EDA: variants seen among roughly 807,000 people sequenced by gnomAD.
EDA encodes ectodysplasin A, also known as ectodysplasin-A.
EDA carries 2 observed loss-of-function variants against 23.6 expected under a neutral mutation model. The observed-to-expected ratio is 0.08, with a 90% confidence interval of 0.03 to 0.27. The LOEUF is 0.27. EDA is among the 10% of genes least tolerant of loss of function. The pLI, the probability that EDA is intolerant of heterozygous loss-of-function variation, is 1.00. For synonymous variants in EDA, 131 were observed against 132.0 expected (o/e 0.99, Z 0.05); for missense variants, 229 against 324.2 (o/e 0.71, Z 2.26).
In EDA at chrX:70,035,415, C is replaced by T. The variant is rs1208961462; in HGVS notation, c.982C>T (p.Pro328Ser). The T allele has an allele frequency of 8.3e-7, 1 of 1,207,387 alleles. No homozygotes were observed. The highest frequency in any genetic ancestry group is 1.8e-5 in the African/African-American group (1 of 56,569). ...ASYEVVVDEK[P>S]FLQCTRSIET... ...CTATGAGGTGGTGGTGGATGAGAAG[C>T]CCTTCCTGCAGTGCACACGCAGCAT... Residue 328 changes from proline to serine, a missense_variant, in exon 8 of 8, where the codon CCC becomes TCC. This residue lies in a region of EDA where 175 missense variants were observed against 281.8 expected (regional missense o/e 0.62). Coordinates refer to ENST00000374552, the MANE Select transcript of EDA (RefSeq NM_001399.5).
chrX:69,705,146 C>A (rs768104378), intron 1 of EDA, among the ~76,000 whole-genome samples: 1 of 106,010 alleles, frequency 9.4e-6, no homozygotes, highest in South Asian at 4.4e-4. Flanking sequence ...TGGCTTGAAC[C>A]TGGGAGGCGG....
chrX:69,804,115 T>A (rs2091147725), intron 1 of EDA, among the ~76,000 whole-genome samples: 1 of 111,045 alleles, frequency 9.0e-6, no homozygotes, highest in Admixed American at 9.6e-5. Context: ...AGTGCTGCAG[T>A]AAACATGGGG....
intron 1 of EDA, among the ~76,000 whole-genome samples, chrX:69,933,110 T>C (rs888506842): frequency 1.8e-5 from 2 of 111,632 alleles, no homozygotes; most frequent in Non-Finnish European, 3.8e-5. Context: ...ACTTTTTACA[T>C]TGCCAAGAGT....
At position 69,719,969 on chromosome X, in the gene EDA, C is replaced by T. The variant is rs1240906877; in HGVS notation, c.396+103265C>T. 2.7e-5 allele frequency among the ~76,000 whole-genome samples: 3 copies of T among 110,444 alleles called. No homozygotes were observed. In the East Asian group the frequency reaches 8.6e-4, roughly 32 times the overall value. ...TTCACCATGTTGGTTAGGCTCGTCT[C>T]GAACTCCTGACCTCATAATCCGCCT... On this transcript the variant is annotated intron_variant, in intron 1 of 7. Transcript: ENST00000374552.
chrX:69,828,222 C>G (rs1216577393), intron 1 of EDA, among the ~76,000 whole-genome samples: 1 of 112,240 alleles, frequency 8.9e-6, no homozygotes, highest in African/African-American at 3.2e-5. Flanking sequence ...CTGTGGTGGG[C>G]TCCACCCAGT....
rs191276453 is a variant in EDA at position 69,736,160 on chromosome X, G to C, written c.396+119456G>C. 5.1e-4 allele frequency among the ~76,000 whole-genome samples: 56 copies of C among 109,709 alleles called. 1 individual carries two copies. The East Asian group carries it at 0.016, about 31-fold the overall frequency. On this transcript the variant is annotated intron_variant, in intron 1 of 7. Coordinates refer to ENST00000374552, the MANE Select transcript of EDA (RefSeq NM_001399.5). ...CATCTCTACTAAACATACAAAATTA[G>C]CTGGGCGTGGTGGCGCATGCTGTAA...
chrX:70,022,654 TC>T (rs2020052316), intron 2 of EDA, among the ~76,000 whole-genome samples: 1 of 111,586 alleles, frequency 9.0e-6, no homozygotes, highest in Non-Finnish European at 1.9e-5. Flanking sequence ...TTTTAAAGTG[TC>T]CATTAACTTA....
rs1446484623 is a variant in EDA, at chrX:69,616,169, G to T, written c.-140G>T. ...ATGCGGCTGCTCCCTGCTCCGTCCC[G>T]CCCAGCCACTGTCGCGCAGGAACGG... is the stretch of plus-strand genomic sequence containing the variant. On this transcript the variant is annotated 5_prime_UTR_variant, in exon 1 of 8. Coordinates refer to ENST00000374552, the MANE Select transcript of EDA (RefSeq NM_001399.5). 1.8e-5 allele frequency: 10 copies of T among 551,942 alleles called. No homozygotes were observed. Among genetic ancestry groups the T allele is most frequent in the Non-Finnish European group, 2.6e-5 (10 of 388,882 alleles). 45.5% of individuals were successfully genotyped at this position (551,942 alleles called of 1,213,427 possible). A position where few individuals can be genotyped will look rare whatever the true frequency, so the allele number is the denominator to read the frequency against.
chrX:69,757,100 G>A (rs1241336714), intron 1 of EDA, among the ~76,000 whole-genome samples: 1 of 111,554 alleles, frequency 9.0e-6, no homozygotes, highest in Admixed American at 9.5e-5. Flanking sequence ...CTGTTAAGGG[G>A]AGATCAATTA....
rs1203000 is a variant in EDA, at chrX:69,916,718, T to C, written c.397-40309T>C. Among the ~76,000 whole-genome samples, 815 of 110,486 alleles carry C rather than the reference T, an allele frequency of 7.4e-3. 3 individuals carry two copies. The highest frequency in any genetic ancestry group is 0.013 in the Non-Finnish European group (692 of 52,844). On this transcript the variant is annotated intron_variant, in intron 1 of 7. Coordinates refer to ENST00000374552, the MANE Select transcript of EDA (RefSeq NM_001399.5). ...CCACACCCGGCCTAATCTCTTTTCTTATGGGTACTTTATTGAAAAATTTGA... is the reference window on the plus strand; with the variant it reads ...CCACACCCGGCCTAATCTCTTTTCTCATGGGTACTTTATTGAAAAATTTGA...
At chrX:69,813,787 C>A (rs1402103340) in intron 1 of EDA, among the ~76,000 whole-genome samples, 8 of 103,821 alleles carry the variant, frequency 7.7e-5, no homozygotes, top group African/African-American at 2.2e-4. Flanking sequence ...AGGAAAATTT[C>A]TTTCAATTTA....
At chrX:69,914,676 C>T (rs2018316258) in intron 1 of EDA, among the ~76,000 whole-genome samples, 1 of 111,280 alleles carries the variant, frequency 9.0e-6, no homozygotes, top group Admixed American at 9.6e-5. Flanking sequence ...TTATTATTAA[C>T]TATAGACATC....
chrX:69,978,765 C>T (rs2019360333), intron 2 of EDA, among the ~76,000 whole-genome samples: 1 of 111,087 alleles, frequency 9.0e-6, no homozygotes, highest in South Asian at 3.8e-4. Flanking sequence ...TTTGCCTATT[C>T]GAGACATTTC....
At chrX:69,650,042 C>T (rs1191177427) in intron 1 of EDA, among the ~76,000 whole-genome samples, 1 of 112,178 alleles carries the variant, frequency 8.9e-6, no homozygotes, top group South Asian at 3.7e-4. Context: ...AGAGCACTCC[C>T]TGTTTGCTGA....
chrX:69,900,376 T>C (rs1185979291), intron 1 of EDA, among the ~76,000 whole-genome samples: 2 of 107,913 alleles, frequency 1.9e-5, no homozygotes, highest in Non-Finnish European at 3.8e-5. Context: ...GTTACATGAA[T>C]TAATTTAGTA....
intron 1 of EDA, among the ~76,000 whole-genome samples, chrX:69,847,705 A>G (rs1383564340): frequency 9.0e-6 from 1 of 110,867 alleles, no homozygotes; most frequent in African/African-American, 3.3e-5. Context: ...ATCCATTCAC[A>G]CATTGAAGCA....
At chrX:69,668,402 A>G (rs1345131031) in intron 1 of EDA, among the ~76,000 whole-genome samples, 1 of 111,904 alleles carries the variant, frequency 8.9e-6, no homozygotes, top group Non-Finnish European at 1.9e-5. Context: ...AGAATGTTCC[A>G]TGTGCATTAG....
intron 1 of EDA, among the ~76,000 whole-genome samples, chrX:69,727,348 G>C (rs910285654): frequency 8.9e-6 from 1 of 112,061 alleles, no homozygotes; most frequent in Non-Finnish European, 1.9e-5. Flanking sequence ...CCCATTTAGG[G>C]CTGTGGATTT....
intron 1 of EDA, among the ~76,000 whole-genome samples, chrX:69,931,355 A>G (rs2018595609): frequency 8.9e-6 from 1 of 111,940 alleles, no homozygotes; most frequent in Admixed American, 9.5e-5. Flanking sequence ...TAAAAAATCA[A>G]TAATAAAAAG....
Sources: allele counts gnomAD v4.1 joint callset (sites outside exome capture counted in the v4.1 genomes callset), GRCh38; gene constraint gnomAD v4.1.1; regional missense constraint gnomAD v4.1.1; transcripts MANE v1.5; gene names NCBI Gene and HGNC (gene_info 2026-07-23, HGNC 2026-07-21).